Variants in NBAS observed in about 807,000 individuals in gnomAD.
The protein encoded by NBAS is NBAS subunit of NRZ tethering complex.
In NBAS, 219 loss-of-function variants were observed where a neutral mutation model predicts 302.5. That is an observed-to-expected ratio of 0.72 (90% CI 0.65 to 0.81). NBAS has a LOEUF of 0.81. Ranked by LOEUF, NBAS falls within the 30% of genes least tolerant of loss-of-function variation. The pLI is 0.00. For missense variants in NBAS, 2,932 were observed against 2,841.6 expected (o/e 1.03, Z -0.72); for synonymous variants, 1,118 against 1,021.6 (o/e 1.09, Z -1.80).
At chr2:15,471,121 CTCT>C (rs1679940758) in intron 16 of NBAS, among the ~76,000 whole-genome samples, 1 of 152,174 alleles carries the variant, frequency 6.6e-6, no homozygotes, top group South Asian at 2.1e-4. Flanking sequence ...TGCTTTGTCT[CTCT>C]TAACATCCCT....
intron 21 of NBAS, among the ~76,000 whole-genome samples, chr2:15,445,333 T>C (rs1288962455): frequency 7.5e-5 from 11 of 146,828 alleles, no homozygotes; most frequent in Admixed American, 6.9e-4. Context: ...CCATAAAAAA[T>C]GATGAGTTCA....
the NBAS span, among the ~76,000 whole-genome samples, chr2:14,784,795 G>T: frequency 2.0e-5 from 3 of 152,076 alleles, no homozygotes; most frequent in Admixed American, 1.3e-4. Context: ...TTGACTTGGC[G>T]ATGCAGGCTC....
intron 38 of NBAS, among the ~76,000 whole-genome samples, chr2:15,315,958 GT>G (rs1457255216): frequency 1.3e-5 from 2 of 152,128 alleles, no homozygotes; most frequent in Non-Finnish European, 2.9e-5. Flanking sequence ...ACACTTGGAA[GT>G]TTCTTAGTCT....
At position 15,305,451 on chromosome 2, in the gene NBAS, T is replaced by C. The variant is rs969966601; in HGVS notation, c.4797+2765A>G. On this transcript the variant is annotated intron_variant, in intron 40 of 51. Transcript: ENST00000281513. ...TATAAATTACTCAGTCTCGAGCAGT[T>C]TTTTTTTTTTTTTTTTTTTAGATGG... Among the ~76,000 whole-genome samples the C allele has an allele frequency of 5.4e-4, 38 of 69,788 alleles. 1 individual carries two copies. The highest frequency in any genetic ancestry group is 3.6e-3 in the East Asian group (4 of 1,102). 45.8% of individuals were successfully genotyped at this position (69,788 alleles called of 152,430 possible).
chr2:15,311,464 T>C (rs1043534017), intron 38 of NBAS, among the ~76,000 whole-genome samples: 1 of 152,154 alleles, frequency 6.6e-6, no homozygotes, highest in Non-Finnish European at 1.5e-5. Flanking sequence ...ACAACATGTT[T>C]TCGTTTCCCA....
the NBAS span, among the ~76,000 whole-genome samples, chr2:14,945,941 C>T: frequency 1.3e-5 from 2 of 152,184 alleles, no homozygotes; most frequent in Admixed American, 6.5e-5. Flanking sequence ...TTTAGCCAGA[C>T]GTGGTGGCAC....
chr2:15,034,248 G>GAAAA, the NBAS span, among the ~76,000 whole-genome samples: 1 of 91,554 alleles, frequency 1.1e-5, no homozygotes, highest in African/African-American at 4.7e-5. Context: ...AAGAAAGAAA[G>GAAAA]AAAGAAAGAA....
At chr2:14,987,334 T>C in the NBAS span, among the ~76,000 whole-genome samples, 1 of 152,254 alleles carries the variant, frequency 6.6e-6, no homozygotes, top group South Asian at 2.1e-4. Context: ...TGGTGAGTTC[T>C]ACAAGACATT....
chr2:15,275,988 C>T (rs944908105), intron 43 of NBAS, among the ~76,000 whole-genome samples, 170 bp from the exon 44 acceptor site: 53 of 152,140 alleles, frequency 3.5e-4, no homozygotes, highest in African/African-American at 1.2e-3. Flanking sequence ...GATCTGAGTT[C>T]CAGTCACAGC....
intron 19 of NBAS, among the ~76,000 whole-genome samples, chr2:15,465,394 T>TTC (rs1389902505): frequency 6.6e-6 from 1 of 152,212 alleles, no homozygotes; most frequent in Admixed American, 6.5e-5. Flanking sequence ...TCCTCATCAA[T>TTC]TCTCCATACC....
chr2:15,010,359 A>G, the NBAS span, among the ~76,000 whole-genome samples: 4 of 152,316 alleles, frequency 2.6e-5, no homozygotes, highest in East Asian at 7.7e-4. Context: ...GTCCCAGAGG[A>G]GTCTCTGGGA....
At chr2:15,113,244 A>G in the NBAS span, among the ~76,000 whole-genome samples, 2 of 151,758 alleles carry the variant, frequency 1.3e-5, no homozygotes, top group African/African-American at 4.8e-5. Context: ...GGAGATGCAT[A>G]TATAATATAA....
At chr2:15,364,216 A>G (rs1181529182) in intron 32 of NBAS, among the ~76,000 whole-genome samples, 49 of 152,184 alleles carry the variant, frequency 3.2e-4, no homozygotes, top group Admixed American at 3.2e-3. Context: ...GAAGCTGCCC[A>G]AATATCAAAG....
intron 40 of NBAS, among the ~76,000 whole-genome samples, chr2:15,302,694 G>C (rs1207593146): frequency 2.6e-5 from 4 of 152,192 alleles, no homozygotes; most frequent in Non-Finnish European, 2.9e-5. Context: ...TGATTGGATT[G>C]AGGAATGCAA....
rs1271035477 is a variant in NBAS, at chr2:15,292,660, T to C, written c.4904A>G (p.Tyr1635Cys). ...LISLTKQLHC[Y>C]NERLLDFTQA... ...AGTGAAATCCAGGAGACGTTCATTG[T>C]AGCAGTGTAACTGCTTGGTCAGTGA... The change falls in exon 41 of 52, where the codon TAC becomes TGC. Residue 1635 changes from tyrosine to cysteine, a missense_variant. Physicochemically the swap from Tyr to Cys is radical, Grantham distance 194. Coordinates refer to ENST00000281513, the MANE Select transcript of NBAS (RefSeq NM_015909.4). 3.7e-6 allele frequency: 6 copies of C among 1,614,098 alleles called. No homozygotes were observed. The highest frequency in any genetic ancestry group is 2.7e-5 in the African/African-American group (2 of 74,938).
the NBAS span, among the ~76,000 whole-genome samples, chr2:14,787,869 G>A: frequency 6.6e-6 from 1 of 152,154 alleles, no homozygotes; most frequent in Non-Finnish European, 1.5e-5. Flanking sequence ...ATGTTGGCCT[G>A]CCTTGCTAGA....
the NBAS span, among the ~76,000 whole-genome samples, chr2:14,973,814 T>C: frequency 1.3e-5 from 2 of 152,370 alleles, no homozygotes; most frequent in African/African-American, 2.4e-5. Context: ...GTCATTATTA[T>C]ATGCATTTAG....
intron 9 of NBAS, among the ~76,000 whole-genome samples, chr2:15,533,758 G>C (rs1190032811): frequency 6.7e-6 from 1 of 150,268 alleles, no homozygotes; most frequent in African/African-American, 2.5e-5. Context: ...TAATAATAAA[G>C]TCCTGAACTA....
chr2:14,793,523 T>C, the NBAS span, among the ~76,000 whole-genome samples: 8 of 152,112 alleles, frequency 5.3e-5, no homozygotes, highest in South Asian at 1.5e-3. Flanking sequence ...AGACAGAAAG[T>C]AGACTGAAAA....
Sources: allele counts gnomAD v4.1 joint callset (sites outside exome capture counted in the v4.1 genomes callset), GRCh38; gene constraint gnomAD v4.1.1; transcripts MANE v1.5; gene names NCBI Gene and HGNC (gene_info 2026-07-23, HGNC 2026-07-21).